The following PLCL1 variants were observed in gnomAD, a reference collection of about 807,000 sequenced individuals.
The protein encoded by PLCL1 is inactive phospholipase C-like protein 1.
A neutral mutation model predicts 84.4 loss-of-function variants in PLCL1; 41 were observed. The observed-to-expected ratio is 0.49, with a 90% CI of 0.38 to 0.63. The LOEUF is 0.63. Among genes scored for constraint, PLCL1 ranks in the 30% least tolerant of loss-of-function variants. The pLI, the probability that PLCL1 is intolerant of heterozygous loss-of-function variation, is 0.00. For synonymous variants in PLCL1, 490 were observed against 488.3 expected (o/e 1.00, Z -0.05); for missense variants, 1,206 against 1,367.8 (o/e 0.88, Z 1.87).
At chr2:197,926,249 G>A (rs1336412908) in intron 1 of PLCL1, among the ~76,000 whole-genome samples, 1 of 152,182 alleles carries the variant, frequency 6.6e-6, no homozygotes, top group African/African-American at 2.4e-5. Flanking sequence ...CTCAGATTTT[G>A]TAGTAGAGAC....
chr2:197,890,235 GC>G (rs1391502488), intron 1 of PLCL1, among the ~76,000 whole-genome samples: 1 of 152,170 alleles, frequency 6.6e-6, no homozygotes, highest in Non-Finnish European at 1.5e-5. Flanking sequence ...TCCACTGGAA[GC>G]CACAGTTCTT....
intron 5 of PLCL1, among the ~76,000 whole-genome samples, chr2:198,140,312 G>GTTGAAAGACTTCAC (rs1438302077): frequency 2.6e-5 from 4 of 152,022 alleles, no homozygotes; most frequent in African/African-American, 4.8e-5. Context: ...AGTGAGTAGT[G>GTTGAAAGACTTCAC]TTTAAATAAT....
At chr2:197,964,795 G>A (rs898706340) in intron 1 of PLCL1, among the ~76,000 whole-genome samples, 1 of 152,068 alleles carries the variant, frequency 6.6e-6, no homozygotes, top group Non-Finnish European at 1.5e-5. Flanking sequence ...TTATCATGAA[G>A]GGATATTGGA....
At chr2:197,811,586 C>G (rs180912522) in intron 1 of PLCL1, among the ~76,000 whole-genome samples, 1 of 152,086 alleles carries the variant, frequency 6.6e-6, no homozygotes, top group African/African-American at 2.4e-5. Context: ...TCTATCAAGG[C>G]AAAACAACAT....
intron 5 of PLCL1, among the ~76,000 whole-genome samples, chr2:198,108,552 A>G (rs1373497365): frequency 6.6e-6 from 1 of 151,900 alleles, no homozygotes; most frequent in Non-Finnish European, 1.5e-5. Context: ...TGAAAAATAA[A>G]TTGTTTAGTG....
chr2:198,047,262 C>A (rs993561033), intron 1 of PLCL1, among the ~76,000 whole-genome samples: 1 of 152,034 alleles, frequency 6.6e-6, no homozygotes. Context: ...CGGCTCACTG[C>A]AACCTCTGCC....
intron 1 of PLCL1, among the ~76,000 whole-genome samples, chr2:197,909,319 T>C (rs1688441099): frequency 6.6e-6 from 1 of 151,740 alleles, no homozygotes; most frequent in Non-Finnish European, 1.5e-5. Flanking sequence ...TGCTTTCTTT[T>C]CTTTTTCTCT....
intron 5 of PLCL1, among the ~76,000 whole-genome samples, chr2:198,119,715 T>G (rs1282992368): frequency 6.6e-6 from 1 of 151,966 alleles, no homozygotes; most frequent in Non-Finnish European, 1.5e-5. Flanking sequence ...ATACACAATT[T>G]TATTCCCATG....
In PLCL1 at chr2:198,106,121, G is replaced by A. The variant is rs149355427; in HGVS notation, c.3105+2185G>A. ...TATCGTTATTAATCTCATTTTACAG[G>A]TGAGAAAACGGAGGCATTGGAAGTC... On this transcript the variant is annotated intron_variant, in intron 5 of 5. Transcript: ENST00000428675. Among the ~76,000 whole-genome samples the A allele has an allele frequency of 6.7e-4, 102 of 151,968 alleles. No homozygotes were observed. The East Asian group carries it at 0.019, about 29-fold the overall frequency.
intron 1 of PLCL1, among the ~76,000 whole-genome samples, chr2:197,913,359 C>T (rs1559043325): frequency 1.3e-5 from 2 of 152,250 alleles, no homozygotes; most frequent in Non-Finnish European, 2.9e-5. Context: ...ACTGCTTCAT[C>T]ACTAAAGCCT....
chr2:198,062,889 T>G (rs572784817), intron 1 of PLCL1, among the ~76,000 whole-genome samples: 18 of 152,252 alleles, frequency 1.2e-4, no homozygotes, highest in South Asian at 6.2e-4. Context: ...AACTTAAGGG[T>G]GTATCAGAAT....
chr2:198,038,284 G>A (rs534033283), intron 1 of PLCL1, among the ~76,000 whole-genome samples: 1 of 152,198 alleles, frequency 6.6e-6, no homozygotes, highest in East Asian at 1.9e-4. Context: ...CCTCAAGCCA[G>A]GCTCAGTTGT....
chr2:198,047,356 ATATTTTTATTAGAG>A, intron 1 of PLCL1, among the ~76,000 whole-genome samples: 1 of 152,138 alleles, frequency 6.6e-6, no homozygotes, highest in Admixed American at 6.5e-5. Context: ...GCTAGCTTTT[ATATTTTTATTAGAG>A]ATGGGGTTTC....
intron 1 of PLCL1, among the ~76,000 whole-genome samples, chr2:198,065,407 T>C (rs1272306920): frequency 6.6e-6 from 1 of 152,188 alleles, no homozygotes. Flanking sequence ...TAAATGTCAA[T>C]TCAATGAAAT....
intron 1 of PLCL1, among the ~76,000 whole-genome samples, chr2:197,964,801 T>C (rs931479509): frequency 2.0e-5 from 3 of 152,208 alleles, no homozygotes; most frequent in Non-Finnish European, 1.5e-5. Flanking sequence ...TGAAGGGATA[T>C]TGGATTTTAT....
intron 1 of PLCL1, among the ~76,000 whole-genome samples, chr2:197,903,104 A>G (rs1688299734): frequency 6.6e-6 from 1 of 152,072 alleles, no homozygotes; most frequent in South Asian, 2.1e-4. Flanking sequence ...TTTTCCCCTT[A>G]ATATTAGCCT....
At chr2:198,135,116 A>AT (rs910185120) in intron 5 of PLCL1, among the ~76,000 whole-genome samples, 2 of 152,108 alleles carry the variant, frequency 1.3e-5, no homozygotes, top group African/African-American at 2.4e-5. Context: ...TATAAATGAT[A>AT]TTTTTTGAAA....
intron 5 of PLCL1, among the ~76,000 whole-genome samples, chr2:198,125,095 T>C (rs1693955059): frequency 6.6e-6 from 1 of 152,146 alleles, no homozygotes; most frequent in African/African-American, 2.4e-5. Context: ...GGCTCTAGAG[T>C]TGTGCCAGAC....
At chr2:198,111,997 G>A (rs564792688) in intron 5 of PLCL1, among the ~76,000 whole-genome samples, 2 of 151,962 alleles carry the variant, frequency 1.3e-5, no homozygotes, top group East Asian at 2.0e-4. Context: ...AAGCTACAGC[G>A]AGAGAGTGTA....
Sources: allele counts gnomAD v4.1 joint callset (sites outside exome capture counted in the v4.1 genomes callset), GRCh38; gene constraint gnomAD v4.1.1; transcripts MANE v1.5; gene names NCBI Gene and HGNC (gene_info 2026-07-23, HGNC 2026-07-21).